DIP2A: variants seen among roughly 807,000 people sequenced by gnomAD.
The protein encoded by DIP2A is DIP2 acetate--CoA ligase A, also known as disco-interacting protein 2 homolog A.
Under a neutral mutation model 177.4 loss-of-function variants are expected in DIP2A, and 85 were observed. That is an observed-to-expected ratio of 0.48 (90% CI 0.40 to 0.57). DIP2A has a LOEUF of 0.57. Among genes scored for constraint, DIP2A ranks in the 20% least tolerant of loss-of-function variants. DIP2A has a pLI of 0.00. For missense variants in DIP2A, 1,791 were observed against 2,100.2 expected, an observed-to-expected ratio of 0.85 and a Z score of 2.88; for synonymous variants, 886 against 881.8, an observed-to-expected ratio of 1.00 and a Z score of -0.08.
chr21:46,462,783 T>A (rs1413467993), intron 1 of DIP2A: 1 of 152,204 alleles, frequency 6.6e-6, no homozygotes, highest in Non-Finnish European at 1.5e-5. Context: ...GATACCTGAA[T>A]AATCTAGAAA....
rs2054031344 is a variant in DIP2A at position 46,459,066 on chromosome 21, G to A, written c.-66G>A. The A allele has an allele frequency of 7.5e-7, 1 of 1,335,234 alleles. No individual in the cohort carries two copies. The highest frequency in any genetic ancestry group is 3.1e-5 in the East Asian group (1 of 32,736). 82.7% of individuals were successfully genotyped at this position (1,335,234 alleles called of 1,614,324 possible). ...GCCTGAGGGGAGCTACGTAGCCGAG[G>A]TTTGCGCTGCCGCCGCCAGGCCCGG... On this transcript the variant is annotated 5_prime_UTR_variant, in exon 1 of 38. Coordinates refer to ENST00000417564, the MANE Select transcript of DIP2A (RefSeq NM_015151.4).
intron 3 of DIP2A, among the ~76,000 whole-genome samples, chr21:46,495,305 C>T (rs566431733): frequency 1.6e-4 from 22 of 138,496 alleles, no homozygotes; most frequent in African/African-American, 5.5e-4. Context: ...TTTCACTCTT[C>T]TTTCCCAGGC....
At chr21:46,583,478 A>C in the DIP2A span, among the ~76,000 whole-genome samples, 7 of 152,228 alleles carry the variant, frequency 4.6e-5, no homozygotes, top group Non-Finnish European at 8.8e-5. Flanking sequence ...ACCTCTCTAA[A>C]TTTAAAAGGA....
At chr21:46,562,339 A>G (rs2060694094) in intron 34 of DIP2A, among the ~76,000 whole-genome samples, 1 of 152,212 alleles carries the variant, frequency 6.6e-6, no homozygotes, top group Admixed American at 6.5e-5. Flanking sequence ...TGAACCAGGA[A>G]GGGTTCAAAG....
In DIP2A at chr21:46,556,274, A is replaced by G. The variant is rs1427492874; in HGVS notation, c.3498+183A>G. 1 of 1,473,440 alleles carries G rather than the reference A, an allele frequency of 6.8e-7. No individual in the cohort carries two copies. Among genetic ancestry groups the G allele is most frequent in the African/African-American group, 1.4e-5 (1 of 71,540 alleles). The allele number at this position is 1,473,440 out of a possible 1,614,324, so 91.3% of individuals were successfully genotyped here. On this transcript the variant is annotated intron_variant, in intron 29 of 37. Coordinates refer to ENST00000417564, the MANE Select transcript of DIP2A (RefSeq NM_015151.4). The surrounding 1 kb of genome is among the most constrained non-coding windows in gnomAD (Gnocchi z 4.5). ...CTAAGATGTGATTAGCCTGAGAGTA[A>G]TGCGTTTTCTGATGCATTATGGTTA...
chr21:46,561,157 A>T (rs1339423382), intron 33 of DIP2A: 2 of 529,132 alleles, frequency 3.8e-6, no homozygotes, highest in Non-Finnish European at 5.4e-6. Flanking sequence ...GAAGACAAGT[A>T]ACCCATCTAC....
intron 8 of DIP2A, among the ~76,000 whole-genome samples, chr21:46,520,538 C>T (rs2058779739): frequency 1.3e-5 from 2 of 152,214 alleles, no homozygotes. Context: ...CAGAAACCTG[C>T]ATTCAAAAAC....
intron 1 of DIP2A, among the ~76,000 whole-genome samples, chr21:46,474,928 G>T (rs2055710757): frequency 6.6e-6 from 1 of 152,216 alleles, no homozygotes; most frequent in African/African-American, 2.4e-5. Context: ...GAACAAAGTT[G>T]TGGAGGAGGA....
chr21:46,488,315 C>T (rs2056808391), intron 2 of DIP2A, among the ~76,000 whole-genome samples: 2 of 151,878 alleles, frequency 1.3e-5, no homozygotes, highest in Admixed American at 1.3e-4. Context: ...ATTTGAACAC[C>T]CCTTTGAGTA....
At chr21:46,549,066 G>A (rs2060169095) in intron 21 of DIP2A, among the ~76,000 whole-genome samples, 2 of 152,334 alleles carry the variant, frequency 1.3e-5, no homozygotes, top group South Asian at 2.1e-4. Context: ...AATTCAAGAT[G>A]TGCTATAAGA....
At chr21:46,505,876 A>T (rs956237170) in intron 6 of DIP2A, among the ~76,000 whole-genome samples, 6 of 152,190 alleles carry the variant, frequency 3.9e-5, no homozygotes, top group African/African-American at 1.2e-4. Flanking sequence ...TTATTTTGAG[A>T]TTCATTCATG....
intron 1 of DIP2A, among the ~76,000 whole-genome samples, chr21:46,466,277 C>T (rs1455294707): frequency 1.3e-5 from 2 of 151,126 alleles, no homozygotes; most frequent in Non-Finnish European, 2.9e-5. Flanking sequence ...AAAAGATAGA[C>T]CAATGGATTT....
At chr21:46,545,525 G>T (rs1478917150) in intron 19 of DIP2A, among the ~76,000 whole-genome samples, 1 of 152,226 alleles carries the variant, frequency 6.6e-6, no homozygotes, top group Non-Finnish European at 1.5e-5. Context: ...TCCTGCATGG[G>T]AGGAGGGTGT....
intron 9 of DIP2A, among the ~76,000 whole-genome samples, chr21:46,531,754 G>C (rs2059366396): frequency 6.6e-6 from 1 of 152,188 alleles, no homozygotes. Context: ...CAAACATCTA[G>C]TCTGAAGGTT....
At chr21:46,549,289 C>G (rs777159130) in intron 21 of DIP2A, among the ~76,000 whole-genome samples, 1 of 152,114 alleles carries the variant, frequency 6.6e-6, no homozygotes, top group Non-Finnish European at 1.5e-5. Context: ...AAGATATCAA[C>G]TCAAAGTCTA....
Position 46,537,030 on chromosome 21 carries a change from T to C in DIP2A, c.1643-194T>C, listed in dbSNP as rs566163342. Among the ~76,000 whole-genome samples, 1 of 152,242 alleles carries C rather than the reference T, an allele frequency of 6.6e-6. No individual in the cohort carries two copies. Among genetic ancestry groups the C allele is most frequent in the Non-Finnish European group, 1.5e-5 (1 of 68,048 alleles). On this transcript the variant is annotated intron_variant, in intron 13 of 37. Coordinates refer to ENST00000417564, the MANE Select transcript of DIP2A (RefSeq NM_015151.4). The surrounding 1 kb of genome is among the most constrained non-coding windows in gnomAD (Gnocchi z 4.1). ...TCTCTGTGTTAGTTCCATGACCTTC[T>C]ACTTTTATGTGTTTCCAGTAATTTG... is the stretch of plus-strand genomic sequence containing the variant.
intron 1 of DIP2A, 128 bp downstream of exon 1, chr21:46,459,350 A>C (rs1389479705): frequency 1.7e-6 from 1 of 572,226 alleles, no homozygotes; most frequent in Admixed American, 9.2e-5. Flanking sequence ...CGGGACCCCC[A>C]CGCGGCCTCG....
chr21:46,564,288 G>C (rs1185336995), intron 35 of DIP2A, among the ~76,000 whole-genome samples: 5 of 152,230 alleles, frequency 3.3e-5, no homozygotes, highest in African/African-American at 1.2e-4. Flanking sequence ...CCAGGCAGGA[G>C]CACAGACACG....
At chr21:46,482,304 T>C (rs66799972) in intron 1 of DIP2A, among the ~76,000 whole-genome samples, 55,674 of 152,088 alleles carry the variant, frequency 0.37, 10,621 homozygotes, top group Middle Eastern at 0.46. Flanking sequence ...ACCACATATA[T>C]AACAGTGGCT....
Sources: gnomAD v4.1 joint callset for allele counts (sites outside exome capture counted in the v4.1 genomes callset) on GRCh38, gnomAD v4.1.1 for gene constraint, Gnocchi (gnomAD v3.1) non-coding constraint, MANE v1.5 for transcripts, NCBI Gene and HGNC (gene_info 2026-07-23, HGNC 2026-07-21) for gene names.